Variants in SWT1 observed in about 807,000 individuals in gnomAD.
SWT1 encodes SWT1 RNA endoribonuclease homolog, also known as transcriptional protein SWT1.
SWT1 carries 33 observed loss-of-function variants against 107.3 expected under a neutral mutation model. The observed-to-expected ratio is 0.31, with a 90% CI of 0.23 to 0.41. SWT1 has a LOEUF of 0.41. Ranked by LOEUF, SWT1 falls within the 10% of genes least tolerant of loss-of-function variation. The pLI is 1.00. For missense variants in SWT1, 898 were observed against 1,028.9 expected (o/e 0.87, Z 1.74); for synonymous variants, 345 against 348.3 (o/e 0.99, Z 0.11).
chr1:185,244,453 C>T (rs934597621), intron 16 of SWT1, among the ~76,000 whole-genome samples: 8 of 151,980 alleles, frequency 5.3e-5, no homozygotes, highest in African/African-American at 1.9e-4. Context: ...CATACGTAAA[C>T]ATAGAAAAGG....
At chr1:185,276,545 T>G (rs1664252035) in intron 17 of SWT1, 59 bp from the exon 18 acceptor site, 1 of 995,286 alleles carries the variant, frequency 1.0e-6, no homozygotes, top group African/African-American at 1.6e-5. Context: ...TACTCTAATT[T>G]TGCTGTCATC....
chr1:185,189,160 T>G (rs935685035), intron 9 of SWT1, among the ~76,000 whole-genome samples: 3 of 151,962 alleles, frequency 2.0e-5, no homozygotes, highest in Admixed American at 6.6e-5. Context: ...ATAATTTTCT[T>G]GTTTTTTTTG....
At chr1:185,213,253 G>T (rs1053726098) in intron 13 of SWT1, among the ~76,000 whole-genome samples, 4 of 152,110 alleles carry the variant, frequency 2.6e-5, no homozygotes, top group Non-Finnish European at 4.4e-5. Context: ...TTCCTCAGGG[G>T]ATTTACGTAG....
At chr1:185,208,515 CAAAG>C (rs1658510054) in intron 13 of SWT1, among the ~76,000 whole-genome samples, 1 of 152,076 alleles carries the variant, frequency 6.6e-6, no homozygotes, top group Non-Finnish European at 1.5e-5. Flanking sequence ...ATTCCTATCA[CAAAG>C]AAATGATAAA....
intron 16 of SWT1, chr1:185,264,188 C>T: frequency 4.3e-6 from 1 of 235,208 alleles, no homozygotes; most frequent in Non-Finnish European, 6.9e-6. Context: ...CATTTGGCGC[C>T]TCTTTTTTTT....
At chr1:185,192,330 C>G (rs2102413306) in intron 10 of SWT1, among the ~76,000 whole-genome samples, 1 of 152,258 alleles carries the variant, frequency 6.6e-6, no homozygotes, top group South Asian at 2.1e-4. Context: ...TCTTCTACAC[C>G]TGAATAAAAA....
At chr1:185,232,466 C>T (rs1399419592) in intron 16 of SWT1, among the ~76,000 whole-genome samples, 1 of 151,978 alleles carries the variant, frequency 6.6e-6, no homozygotes, top group Non-Finnish European at 1.5e-5. Flanking sequence ...CACTGGGGAC[C>T]AAAGAGAAAT....
rs369257406 is a variant in SWT1 at position 185,269,094 on chromosome 1, T to C, written c.2442-2229T>C. Among the ~76,000 whole-genome samples the C allele has an allele frequency of 5.3e-5, 8 of 152,156 alleles. 1 individual carries two copies. Among genetic ancestry groups the C allele is most frequent in the African/African-American group, 1.7e-4 (7 of 41,506 alleles). ...GTCTCGATCTCCTGACCTCGTGATT[T>C]GCCCGCCTCAGCCTCCCAAAGTGCT... On this transcript the variant is annotated intron_variant, in intron 16 of 18. Coordinates refer to ENST00000367500, the MANE Select transcript of SWT1 (RefSeq NM_017673.7).
chr1:185,207,176 A>G (rs1422997551), intron 13 of SWT1, among the ~76,000 whole-genome samples: 3 of 152,332 alleles, frequency 2.0e-5, no homozygotes, highest in African/African-American at 7.2e-5. Flanking sequence ...ACTAATTTTC[A>G]GAATAGTGTG....
In SWT1 at chr1:185,183,168, A is replaced by G. The variant is rs1007373849; in HGVS notation, c.1139-1075A>G. 1.4e-4 allele frequency among the ~76,000 whole-genome samples: 22 copies of G among 152,034 alleles called. 1 individual carries two copies. The highest frequency in any genetic ancestry group is 1.4e-3 in the Admixed American group (21 of 15,248). ...AAAAAAAAAAGTAATGCTACCTTAC[A>G]TTCACATTGCAGTTTTCATCTTTCA... On this transcript the variant is annotated intron_variant, in intron 7 of 18. Transcript: ENST00000367500.
Position 185,162,955 on chromosome 1 carries a change from A to G in SWT1, c.84+2030A>G, listed in dbSNP as rs889158339. Among the ~76,000 whole-genome samples, 6 of 152,082 alleles carry G rather than the reference A, an allele frequency of 3.9e-5. No individual in the cohort carries two copies. In the South Asian group the frequency reaches 1.3e-3, roughly 32 times the overall value. ...AGCCTGAGCAGCAGAGCAAGACCCC[A>G]TCTCTAAAAGTAGTAATAATAAATT... is the stretch of plus-strand genomic sequence containing the variant. On this transcript the variant is annotated intron_variant, in intron 2 of 18. Transcript: ENST00000367500.
intron 10 of SWT1, among the ~76,000 whole-genome samples, chr1:185,199,172 G>A (rs528988306): frequency 3.3e-5 from 5 of 152,132 alleles, no homozygotes; most frequent in South Asian, 2.1e-4. Context: ...TCCTGGCCTC[G>A]TGATCCACCC....
In SWT1 at chr1:185,223,251, G is replaced by A. The variant is rs185229280; in HGVS notation, c.2309+1215G>A. 1.9e-3 allele frequency among the ~76,000 whole-genome samples: 286 copies of A among 152,046 alleles called. 2 individuals are homozygous for A. Among genetic ancestry groups the A allele is most frequent in the African/African-American group, 6.3e-3 (262 of 41,458 alleles). On this transcript the variant is annotated intron_variant, in intron 15 of 18. Transcript: ENST00000367500. ...GTTGGTTTTTTTGAGGCAGGGTCTC[G>A]CTCTGTCACCCAGGTGGTAGTGCAG...
chr1:185,201,528 C>T (rs558823808), intron 10 of SWT1, among the ~76,000 whole-genome samples: 3 of 152,286 alleles, frequency 2.0e-5, no homozygotes, highest in Admixed American at 6.5e-5. Flanking sequence ...TCTTGCACTT[C>T]CTGGGTGGGT....
chr1:185,198,848 G>A (rs1401139816), intron 10 of SWT1, among the ~76,000 whole-genome samples: 11 of 151,272 alleles, frequency 7.3e-5, no homozygotes, highest in Non-Finnish European at 1.6e-4. Context: ...ACATGAGATG[G>A]GGCTCCTGAA....
At chr1:185,247,569 A>G (rs141469099) in intron 16 of SWT1, among the ~76,000 whole-genome samples, 5 of 152,298 alleles carry the variant, frequency 3.3e-5, no homozygotes, top group East Asian at 1.9e-4. Flanking sequence ...AGCTACCTCA[A>G]TTATAAGGGA....
chr1:185,167,490 TTA>T (rs961426809), intron 3 of SWT1, among the ~76,000 whole-genome samples: 1 of 152,210 alleles, frequency 6.6e-6, no homozygotes, highest in African/African-American at 2.4e-5. Flanking sequence ...GGATGCAGAA[TTA>T]TGTTTTAAGA....
chr1:185,172,304 G>A (rs998883479), intron 4 of SWT1, among the ~76,000 whole-genome samples: 2 of 152,040 alleles, frequency 1.3e-5, no homozygotes, highest in South Asian at 4.1e-4. Flanking sequence ...TACTATGCTT[G>A]TTTAAGATGT....
intron 16 of SWT1, among the ~76,000 whole-genome samples, chr1:185,254,872 A>G (rs1662354495): frequency 6.6e-6 from 1 of 151,774 alleles, no homozygotes; most frequent in Non-Finnish European, 1.5e-5. Context: ...TTGTGATGTT[A>G]GGGTGTCAGT....
Sources: allele counts gnomAD v4.1 joint callset (sites outside exome capture counted in the v4.1 genomes callset), GRCh38; gene constraint gnomAD v4.1.1; transcripts MANE v1.5; gene names NCBI Gene and HGNC (gene_info 2026-07-23, HGNC 2026-07-21).